Variants in DMD observed in about 807,000 individuals in gnomAD.
The protein encoded by DMD is dystrophin, also known as mutant dystrophin.
A neutral mutation model predicts 330.1 loss-of-function variants in DMD; 63 were observed. That is an observed-to-expected ratio of 0.19 (90% CI 0.16 to 0.24). DMD has a LOEUF of 0.24. DMD is among the 10% of genes least tolerant of loss of function. DMD has a pLI of 1.00. For missense variants in DMD, 3,344 were observed against 2,684.1 expected, an observed-to-expected ratio of 1.25 and a Z score of -5.43; for synonymous variants, 1,223 against 959.8, an observed-to-expected ratio of 1.27 and a Z score of -5.07.
intron 52 of DMD, among the ~76,000 whole-genome samples, chrX:31,687,577 T>C (rs1400741465): frequency 8.9e-6 from 1 of 111,779 alleles, no homozygotes; most frequent in Non-Finnish European, 1.9e-5. Flanking sequence ...CCTCTGCCTT[T>C]TAAAAGGGCA....
chrX:33,052,197 G>GT (rs2094465915), intron 1 of DMD, among the ~76,000 whole-genome samples: 1 of 111,733 alleles, frequency 8.9e-6, no homozygotes, highest in African/African-American at 3.3e-5. Context: ...TTTCCAAACT[G>GT]TTTTTTCTAG....
At chrX:32,758,319 G>A (rs1481755473) in intron 7 of DMD, among the ~76,000 whole-genome samples, 1 of 111,514 alleles carries the variant, frequency 9.0e-6, no homozygotes, top group Non-Finnish European at 1.9e-5. Context: ...AGAGAGGGAA[G>A]ATGATGCAGA....
At chrX:33,240,881 T>A (rs1486166141) in intron 1 of DMD, among the ~76,000 whole-genome samples, 2 of 112,011 alleles carry the variant, frequency 1.8e-5, no homozygotes, top group Non-Finnish European at 3.8e-5. Flanking sequence ...CCTGCTCAGA[T>A]CTTTTGCTCA....
rs746806242 is a variant in DMD at position 32,781,894 on chromosome X, TTCTC to T, written c.649+27595_649+27598del. Among the ~76,000 whole-genome samples the T allele has an allele frequency of 1.1e-3, 123 of 111,319 alleles. 1 individual carries two copies. The highest frequency in any genetic ancestry group is 9.7e-3 in the South Asian group (26 of 2,685). On this transcript the variant is annotated intron_variant, in intron 7 of 78. Transcript: ENST00000357033. The stretch of plus-strand genomic sequence containing the variant: ...ACATAAATTACATGTTCACTCCACT[TTCTC>T]TCTATTTCCCCAAATATATGGTATT...
chrX:32,589,736 G>A (rs1222238308), intron 13 of DMD, among the ~76,000 whole-genome samples: 7 of 111,274 alleles, frequency 6.3e-5, no homozygotes, highest in Admixed American at 9.6e-5. Flanking sequence ...ACAATAGGAT[G>A]TAACATTTGT....
chrX:33,184,712 TTTTC>T (rs1311583421), intron 1 of DMD, among the ~76,000 whole-genome samples: 4 of 90,960 alleles, frequency 4.4e-5, no homozygotes, highest in African/African-American at 8.1e-5. Context: ...AGGATTTATT[TTTTC>T]TTTCTTTTTT....
chrX:33,260,129 G>A (rs1425370248), intron 1 of DMD, among the ~76,000 whole-genome samples: 2 of 111,023 alleles, frequency 1.8e-5, no homozygotes, highest in East Asian at 5.7e-4. Context: ...AGTTTTGTGA[G>A]AAACTGCCAA....
At chrX:31,226,782 G>C (rs1230344391) in intron 63 of DMD, among the ~76,000 whole-genome samples, 1 of 111,771 alleles carries the variant, frequency 8.9e-6, no homozygotes, top group Non-Finnish European at 1.9e-5. Flanking sequence ...GTACTTGCTA[G>C]TGTGGAGTTC....
intron 7 of DMD, among the ~76,000 whole-genome samples, chrX:32,769,342 G>A (rs912046401): frequency 1.8e-5 from 2 of 111,032 alleles, no homozygotes; most frequent in East Asian, 5.7e-4. Flanking sequence ...CAGATCTCAC[G>A]AGACTTACCA....
chrX:31,496,026 G>A (rs1004085806), intron 57 of DMD, among the ~76,000 whole-genome samples: 4 of 111,967 alleles, frequency 3.6e-5, no homozygotes, highest in African/African-American at 1.3e-4. Context: ...TTGATTGCAT[G>A]TTGAAATGAC....
chrX:31,895,865 T>A (rs2094324343), intron 47 of DMD, among the ~76,000 whole-genome samples: 1 of 112,088 alleles, frequency 8.9e-6, no homozygotes, highest in Admixed American at 9.5e-5. Flanking sequence ...TTTTCTTGGA[T>A]TTCCCCTTTC....
chrX:33,276,492 G>A (rs112835816), intron 1 of DMD, among the ~76,000 whole-genome samples: 1,214 of 111,041 alleles, frequency 0.011, 20 homozygotes, highest in African/African-American at 0.038. Context: ...GAATCATGAA[G>A]TCTAAAAGTC....
intron 62 of DMD, chrX:31,267,041 C>A (rs917216034): frequency 1.6e-5 from 7 of 441,603 alleles, no homozygotes; most frequent in Non-Finnish European, 2.5e-5. Flanking sequence ...ACCTAGGGAC[C>A]TGGGAACCCG....
At chrX:31,153,467 C>CTT (rs201174679) in intron 74 of DMD, among the ~76,000 whole-genome samples, 2,489 of 104,721 alleles carry the variant, frequency 0.024, 90 homozygotes, top group African/African-American at 0.082. Flanking sequence ...GCCCCACTTA[C>CTT]TTTTTTTTTT....
intron 18 of DMD, among the ~76,000 whole-genome samples, chrX:32,511,633 G>A (rs1447484308): frequency 9.3e-6 from 1 of 107,569 alleles, no homozygotes; most frequent in Non-Finnish European, 1.9e-5. Context: ...TTACCTCCTC[G>A]AAATTGCCAT....
intron 66 of DMD, among the ~76,000 whole-genome samples, chrX:31,204,550 T>C (rs1041749820): frequency 8.9e-6 from 1 of 112,603 alleles, no homozygotes; most frequent in Non-Finnish European, 1.9e-5. Context: ...GACTTCTTTA[T>C]GGAGTCATAA....
chrX:31,630,945 G>A (rs2079103474), intron 54 of DMD, among the ~76,000 whole-genome samples: 1 of 111,815 alleles, frequency 8.9e-6, no homozygotes, highest in African/African-American at 3.2e-5. Flanking sequence ...AGAATTTGAT[G>A]GAGTAAGGAA....
chrX:32,695,953 A>C (rs2063624306), intron 9 of DMD, among the ~76,000 whole-genome samples: 1 of 111,909 alleles, frequency 8.9e-6, no homozygotes, highest in African/African-American at 3.2e-5. Context: ...GTAGAAAGTT[A>C]GGAGAGCTGA....
chrX:32,341,057 T>C lies in DMD; in HGVS notation c.5922+1043A>G, dbSNP rs2295328. On this transcript the variant is annotated intron_variant, in intron 41 of 78. Coordinates refer to ENST00000357033, the MANE Select transcript of DMD (RefSeq NM_004006.3). ...TATAAAATTAAGTTATGGTAACTGC[T>C]TTTGACATTTTAAAAATATACACCA... Among the ~76,000 whole-genome samples the C allele has an allele frequency of 3.3e-3, 366 of 111,950 alleles. 11 individuals carry two copies. In the East Asian group the frequency reaches 0.088, roughly 27 times the overall value.
Sources: allele counts gnomAD v4.1 joint callset (sites outside exome capture counted in the v4.1 genomes callset), GRCh38; gene constraint gnomAD v4.1.1; transcripts MANE v1.5; gene names NCBI Gene and HGNC (gene_info 2026-07-23, HGNC 2026-07-21).